PCDH17: variants seen among roughly 807,000 people sequenced by gnomAD.
PCDH17 encodes the protein protocadherin 17.
PCDH17 carries 21 observed loss-of-function variants against 67.7 expected under a neutral mutation model. The ratio of observed to expected loss-of-function variants is 0.31; its 90% CI spans 0.22 to 0.45. PCDH17 has a LOEUF of 0.45. Among genes scored for constraint, PCDH17 ranks in the 20% least tolerant of loss-of-function variants. The pLI, the probability that PCDH17 is intolerant of heterozygous loss-of-function variation, is 1.00. For synonymous variants in PCDH17, 701 were observed against 656.7 expected, an observed-to-expected ratio of 1.07 and a Z score of -1.03; for missense variants, 1,471 against 1,564.8, an observed-to-expected ratio of 0.94 and a Z score of 1.01.
intron 3 of PCDH17, among the ~76,000 whole-genome samples, chr13:57,681,136 T>A (rs1955445846): frequency 6.6e-6 from 1 of 151,722 alleles, no homozygotes; most frequent in Admixed American, 6.6e-5. Context: ...CTGAGGTAAC[T>A]CGCTCATTTT....
At chr13:57,644,172 A>G (rs1954937900) in intron 1 of PCDH17, among the ~76,000 whole-genome samples, 1 of 151,642 alleles carries the variant, frequency 6.6e-6, no homozygotes, top group African/African-American at 2.4e-5. Flanking sequence ...CAACCTTCTT[A>G]GGAAAGCTGC....
chr13:57,674,598 G>GA (rs1277911804), intron 3 of PCDH17, among the ~76,000 whole-genome samples: 8 of 151,708 alleles, frequency 5.3e-5, no homozygotes, highest in East Asian at 3.9e-4. Context: ...AAGTGCTGGG[G>GA]TCACCAGTTA....
chr13:57,632,979 G>T lies in PCDH17; in HGVS notation c.433G>T (p.Ala145Ser), dbSNP rs1228730508. 1.2e-6 allele frequency: 2 copies of T among 1,613,322 alleles called. No homozygotes were observed. Among genetic ancestry groups the T allele is most frequent in the Non-Finnish European group, 1.7e-6 (2 of 1,179,992 alleles). ...DQIEMDISEN[A>S]APGTRFPLTS... ...GATCGAAATGGACATCTCGGAGAAC[G>T]CTGCTCCGGGCACCCGCTTCCCCCT... Residue 145 changes from alanine to serine, a missense_variant, in exon 1 of 4, where the codon GCT becomes TCT. Ala to Ser is a moderately conservative substitution (Grantham distance 99). Coordinates refer to ENST00000377918, the MANE Select transcript of PCDH17 (RefSeq NM_001040429.3).
Position 57,725,300 on chromosome 13 carries a change from G to GAAAA in PCDH17, c.*14_*17dup. 2 of 1,382,052 alleles carry GAAAA rather than the reference G, an allele frequency of 1.4e-6. No individual in the cohort carries two copies. Among genetic ancestry groups the GAAAA allele is most frequent in the Non-Finnish European group, 2.0e-6 (2 of 1,023,380 alleles). The allele number at this position is 1,382,052 out of a possible 1,614,324, so 85.6% of individuals were successfully genotyped here. On this transcript the variant is annotated 3_prime_UTR_variant, in exon 4 of 4. Transcript: ENST00000377918. ...CTGTGGCTGTGAGAAAGTGAAAAAAGAAAAAAAAAAAGGCATTGGCATTTT... is the reference window on the plus strand; with the variant it reads ...CTGTGGCTGTGAGAAAGTGAAAAAAGAAAAAAAAAAAAAAAGGCATTGGCATTTT...
At chr13:57,647,385 G>A (rs996081185) in intron 1 of PCDH17, among the ~76,000 whole-genome samples, 1 of 151,652 alleles carries the variant, frequency 6.6e-6, no homozygotes, top group Non-Finnish European at 1.5e-5. Flanking sequence ...TCTCTTTTCT[G>A]TGACATCCCA....
intron 3 of PCDH17, among the ~76,000 whole-genome samples, chr13:57,668,997 C>A (rs1021801588): frequency 6.6e-6 from 1 of 151,972 alleles, no homozygotes; most frequent in African/African-American, 2.4e-5. Context: ...CCCGCTCCCC[C>A]CACCCCACAA....
At chr13:57,693,870 A>G (rs1955582775) in intron 3 of PCDH17, among the ~76,000 whole-genome samples, 1 of 150,970 alleles carries the variant, frequency 6.6e-6, no homozygotes, top group Admixed American at 6.6e-5. Flanking sequence ...TTTCTATATA[A>G]GTTATGTCTT....
At chr13:57,673,451 G>T (rs1358407702) in intron 3 of PCDH17, among the ~76,000 whole-genome samples, 1 of 151,900 alleles carries the variant, frequency 6.6e-6, no homozygotes, top group Non-Finnish European at 1.5e-5. Context: ...TGTCACAGAG[G>T]CCTGCTGTTC....
At chr13:57,702,144 C>T (rs1281277226) in intron 3 of PCDH17, among the ~76,000 whole-genome samples, 1 of 152,066 alleles carries the variant, frequency 6.6e-6, no homozygotes. Flanking sequence ...TCTCGAGCTC[C>T]TGACCTCTGG....
At chr13:57,721,918 C>T (rs1174829713) in intron 3 of PCDH17, among the ~76,000 whole-genome samples, 14 of 152,132 alleles carry the variant, frequency 9.2e-5, no homozygotes, top group Admixed American at 8.5e-4. Context: ...CCCTCTCTCA[C>T]AAATTCTAAC....
intron 1 of PCDH17, among the ~76,000 whole-genome samples, chr13:57,643,797 C>T (rs181724928): frequency 8.4e-4 from 127 of 151,678 alleles, no homozygotes; most frequent in Non-Finnish European, 1.4e-3. Context: ...ATTTGTGTGA[C>T]CTTGTGTTAT....
At chr13:57,675,008 A>T (rs1955374605) in intron 3 of PCDH17, among the ~76,000 whole-genome samples, 1 of 151,892 alleles carries the variant, frequency 6.6e-6, no homozygotes, top group South Asian at 2.1e-4. Context: ...GACTCTTTCC[A>T]TCCTACCAAG....
intron 1 of PCDH17, among the ~76,000 whole-genome samples, chr13:57,662,574 CACAA>C (rs72035458): frequency 0.059 from 8,984 of 152,126 alleles, 391 homozygotes; most frequent in East Asian, 0.25. Flanking sequence ...AACCTACTTC[CACAA>C]ACAGAGAGCT....
chr13:57,677,385 G>T (rs1001516139), intron 3 of PCDH17, among the ~76,000 whole-genome samples: 1 of 151,848 alleles, frequency 6.6e-6, no homozygotes, highest in Non-Finnish European at 1.5e-5. Flanking sequence ...ATTCAATGAA[G>T]ATTTCATGTA....
Position 57,702,685 on chromosome 13 carries a change from G to A in PCDH17, c.2798-21927G>A, listed in dbSNP as rs371232272. ...GATATACTCTCCCTTTGCCTCCACT[G>A]TGCTCTCCAAGTACTGAAAGAGCTC... is the stretch of plus-strand genomic sequence containing the variant. On this transcript the variant is annotated intron_variant, in intron 3 of 3. Transcript: ENST00000377918. 2.6e-5 allele frequency among the ~76,000 whole-genome samples: 4 copies of A among 152,220 alleles called. No individual in the cohort carries two copies. In the South Asian group the frequency reaches 8.3e-4, roughly 32 times the overall value.
chr13:57,641,587 A>AAAAAT (rs1954902994), intron 1 of PCDH17, among the ~76,000 whole-genome samples: 1 of 20,582 alleles, frequency 4.9e-5, no homozygotes, highest in Non-Finnish European at 9.6e-5. Context: ...AAAAAAAAAA[A>AAAAAT]ATATATATAT....
At chr13:57,645,328 A>T (rs1954951720) in intron 1 of PCDH17, among the ~76,000 whole-genome samples, 1 of 151,682 alleles carries the variant, frequency 6.6e-6, no homozygotes, top group South Asian at 2.1e-4. Context: ...GACATGTAGT[A>T]TACACTTAAA....
rs374985754 is a variant in PCDH17 at position 57,698,708 on chromosome 13, G to A, written c.2798-25904G>A. Reference sequence around the variant, plus strand: ...CTCACTCTGAAGCTGATTCATTCAGGTCATAGAGATATAATGATCCGAAAT... The same window carrying A: ...CTCACTCTGAAGCTGATTCATTCAGATCATAGAGATATAATGATCCGAAAT... On this transcript the variant is annotated intron_variant, in intron 3 of 3. Transcript: ENST00000377918. Among the ~76,000 whole-genome samples, 90 of 151,932 alleles carry A rather than the reference G, an allele frequency of 5.9e-4. 2 individuals are homozygous for A. In the South Asian group the frequency reaches 0.019, roughly 32 times the overall value.
intron 3 of PCDH17, among the ~76,000 whole-genome samples, chr13:57,717,916 T>G (rs555892912): frequency 6.6e-6 from 1 of 152,118 alleles, no homozygotes; most frequent in South Asian, 2.1e-4. Flanking sequence ...AAAAAATAAT[T>G]TTATTTCCTC....
Sources: allele counts gnomAD v4.1 joint callset (sites outside exome capture counted in the v4.1 genomes callset), GRCh38; gene constraint gnomAD v4.1.1; transcripts MANE v1.5; gene names NCBI Gene and HGNC (gene_info 2026-07-23, HGNC 2026-07-21).